The following VPS37A variants were observed in gnomAD, a reference collection of about 807,000 sequenced individuals.
VPS37A encodes VPS37A subunit of ESCRT-I.
A neutral mutation model predicts 49.8 loss-of-function variants in VPS37A; 30 were observed. The ratio of observed to expected loss-of-function variants is 0.60; its 90% CI spans 0.45 to 0.82. The LOEUF (loss-of-function observed/expected upper bound fraction) is 0.82. Ranked by LOEUF, VPS37A falls within the 40% of genes least tolerant of loss-of-function variation. VPS37A has a pLI of 0.00. For synonymous variants in VPS37A, 195 were observed against 160.6 expected, an observed-to-expected ratio of 1.21 and a Z score of -1.62; for missense variants, 593 against 464.4, an observed-to-expected ratio of 1.28 and a Z score of -2.55.
the VPS37A span, among the ~76,000 whole-genome samples, chr8:17,315,038 T>G: frequency 3.0e-5 from 2 of 66,874 alleles, no homozygotes; most frequent in African/African-American, 2.5e-4. Flanking sequence ...CCTGTGGCCC[T>G]TGGGTAGTCA....
intron 11 of VPS37A, among the ~76,000 whole-genome samples, chr8:17,291,951 G>T (rs1469014418): frequency 6.6e-6 from 1 of 152,174 alleles, no homozygotes; most frequent in East Asian, 1.9e-4. Context: ...ATATTCTGTT[G>T]ATTATGGGTG....
At position 17,280,033 on chromosome 8, in the gene VPS37A, C is replaced by G. The variant is rs1250739152; in HGVS notation, c.719C>G (p.Ser240Ter). 1 of 1,610,162 alleles carries G rather than the reference C, an allele frequency of 6.2e-7. No individual in the cohort carries two copies. The highest frequency in any genetic ancestry group is 8.5e-7 in the Non-Finnish European group (1 of 1,178,304). ...TTTTTCTTTTGTGTTTCTAGTGTGT[C>G]ACAACTCACAGATATGAATGAACAA... ...AFPELSELSV[S>*]QLTDMNEQEE... is the part of the protein sequence containing the mutation. Residue 240 changes from serine (S) to a stop codon, truncating the protein, a stop_gained, in exon 7 of 12, where the codon TCA (serine) becomes TGA (stop). Transcript: ENST00000324849. LOFTEE classifies it high-confidence loss of function.
chr8:17,259,027 T>A (rs932395253), intron 1 of VPS37A, among the ~76,000 whole-genome samples: 11 of 152,124 alleles, frequency 7.2e-5, no homozygotes, highest in South Asian at 2.1e-4. Flanking sequence ...TTGATGATTT[T>A]ATCTTTTCAA....
At chr8:17,313,139 C>A in the VPS37A span, among the ~76,000 whole-genome samples, 2 of 152,230 alleles carry the variant, frequency 1.3e-5, no homozygotes, top group Non-Finnish European at 2.9e-5. Context: ...AAAATCATAT[C>A]TTCAGCGCAC....
chr8:17,265,108 T>C (rs1211996051), intron 1 of VPS37A, among the ~76,000 whole-genome samples: 1 of 152,190 alleles, frequency 6.6e-6, no homozygotes, highest in African/African-American at 2.4e-5. Context: ...AAGCTACTTC[T>C]TTCTTTCTGC....
At chr8:17,311,391 T>C in the VPS37A span, 1 of 1,311,826 alleles carries the variant, frequency 7.6e-7, no homozygotes, top group Non-Finnish European at 1.1e-6. Context: ...TTAATCTTGC[T>C]GAGCTACTAA....
chr8:17,289,139 C>T (rs1422272303), intron 11 of VPS37A, among the ~76,000 whole-genome samples: 1 of 152,100 alleles, frequency 6.6e-6, no homozygotes, highest in Non-Finnish European at 1.5e-5. Flanking sequence ...CAGAAATTTT[C>T]CCCATTCTGT....
At chr8:17,313,990 C>T in the VPS37A span, among the ~76,000 whole-genome samples, 1 of 152,196 alleles carries the variant, frequency 6.6e-6, no homozygotes, top group Admixed American at 6.5e-5. Flanking sequence ...TCTAGAGCAT[C>T]AGGGTAGAGG....
intron 11 of VPS37A, among the ~76,000 whole-genome samples, chr8:17,289,354 C>G (rs1374022965): frequency 6.6e-6 from 1 of 152,146 alleles, no homozygotes; most frequent in East Asian, 1.9e-4. Context: ...ACGTTTAAAT[C>G]TTTAATCCAT....
At chr8:17,273,804 A>G (rs1814242476) in intron 4 of VPS37A, among the ~76,000 whole-genome samples, 1 of 152,072 alleles carries the variant, frequency 6.6e-6, no homozygotes, top group Non-Finnish European at 1.5e-5. Context: ...TTCCCACAAA[A>G]TTTCCAACTC....
intron 9 of VPS37A, among the ~76,000 whole-genome samples, chr8:17,281,487 A>G (rs1470867188): frequency 6.6e-6 from 1 of 152,032 alleles, no homozygotes. Flanking sequence ...TTAGTAAACT[A>G]AAAATAGAAA....
At chr8:17,290,867 A>G (rs1369821469) in intron 11 of VPS37A, among the ~76,000 whole-genome samples, 1 of 152,164 alleles carries the variant, frequency 6.6e-6, no homozygotes, top group Non-Finnish European at 1.5e-5. Context: ...TTATTGGTCT[A>G]TTCAGGGATT....
In VPS37A at chr8:17,246,985, C is replaced by G. The variant is rs952279381; in HGVS notation, c.-260C>G. On this transcript the variant is annotated 5_prime_UTR_variant, in exon 1 of 12. Transcript: ENST00000324849. ...TGGGCGGCCAGGCTCCCTGGCTGGC[C>G]GGTTTGGGCGTCTGGGCCGTGAAGG... 29 of 490,952 alleles carry G rather than the reference C, an allele frequency of 5.9e-5. 1 individual carries two copies. Among genetic ancestry groups the G allele is most frequent in the South Asian group, 4.3e-4 (19 of 44,686 alleles). The allele number at this position is 490,952 out of a possible 1,614,324, so 30.4% of individuals were successfully genotyped here.
intron 1 of VPS37A, among the ~76,000 whole-genome samples, chr8:17,254,966 T>C (rs1812307005): frequency 6.6e-6 from 1 of 152,150 alleles, no homozygotes; most frequent in African/African-American, 2.4e-5. Flanking sequence ...GTTACTTGAG[T>C]TACCCAACAC....
chr8:17,286,566 T>C (rs1167737655), intron 11 of VPS37A, 139 bp downstream of exon 11: 1 of 650,548 alleles, frequency 1.5e-6, no homozygotes, highest in Non-Finnish European at 2.6e-6. Flanking sequence ...CATAGAATGC[T>C]TTGTATTATA....
downstream of VPS37A, among the ~76,000 whole-genome samples, chr8:17,303,319 T>C (rs748272738): frequency 6.6e-6 from 1 of 152,148 alleles, no homozygotes; most frequent in African/African-American, 2.4e-5. Context: ...AATATTCTGC[T>C]ATAAATTCTG....
chr8:17,291,646 G>A (rs1391006488), intron 11 of VPS37A, among the ~76,000 whole-genome samples: 1 of 151,834 alleles, frequency 6.6e-6, no homozygotes, highest in Non-Finnish European at 1.5e-5. Flanking sequence ...ACACAGTTTT[G>A]CTCTGTCCCA....
chr8:17,250,310 A>G (rs995656543), intron 1 of VPS37A, among the ~76,000 whole-genome samples: 4 of 152,302 alleles, frequency 2.6e-5, no homozygotes, highest in East Asian at 1.9e-4. Context: ...AATACTGGCA[A>G]TATGTTGCCT....
At position 17,265,879 on chromosome 8, in the gene VPS37A, G is replaced by T. The variant is rs751321702; in HGVS notation, c.126-28G>T. On this transcript the variant is annotated intron_variant, in intron 1 of 11. Coordinates refer to ENST00000324849, the MANE Select transcript of VPS37A (RefSeq NM_152415.3). ...AACAATAATGGTTTCATGACTTTGG[G>T]TAAATTTTTTAAAATTTTCTCCTGC... The T allele has an allele frequency of 8.1e-6, 13 of 1,612,510 alleles. No homozygotes were observed. In the African/African-American group the frequency reaches 1.7e-4, roughly 22 times the overall value.
Sources: allele counts gnomAD v4.1 joint callset (sites outside exome capture counted in the v4.1 genomes callset), GRCh38; gene constraint gnomAD v4.1.1; transcripts MANE v1.5; gene names NCBI Gene and HGNC (gene_info 2026-07-23, HGNC 2026-07-21).